The following DNAH5 variants were observed in gnomAD, a reference collection of about 807,000 sequenced individuals.
DNAH5 encodes dynein axonemal heavy chain 5.
DNAH5 carries 372 observed loss-of-function variants against 518.2 expected under a neutral mutation model. That is an observed-to-expected ratio of 0.72 (90% CI 0.66 to 0.78). DNAH5 has a LOEUF of 0.78. Among genes scored for constraint, DNAH5 ranks in the 30% least tolerant of loss-of-function variants. The pLI, the probability that DNAH5 is intolerant of heterozygous loss-of-function variation, is 0.00. For synonymous variants in DNAH5, 2,039 were observed against 2,025.9 expected, an observed-to-expected ratio of 1.01 and a Z score of -0.17; for missense variants, 5,523 against 5,687.0, an observed-to-expected ratio of 0.97 and a Z score of 0.93.
chr5:13,811,767 G>A lies in DNAH5; in HGVS notation c.7287C>T (p.Thr2429=), dbSNP rs762808221. 7 of 1,613,966 alleles carry A rather than the reference G, an allele frequency of 4.3e-6. No individual in the cohort carries two copies. The highest frequency in any genetic ancestry group is 4.0e-5 in the African/African-American group (3 of 74,896). Residue 2429 remains threonine (T), a synonymous_variant, in exon 44 of 79, where the codon ACC becomes ACT. Coordinates refer to ENST00000265104, the MANE Select transcript of DNAH5 (RefSeq NM_001369.3). ...QEAEILRQLY[T]ESFPDLYRFC... is the part of the protein sequence containing the mutation. Reference sequence around the variant, plus strand: ...AGCGATACAAGTCTGGGAAAGACTCGGTGTACAGCTGACGAAGAATTTCTG... The same window carrying A: ...AGCGATACAAGTCTGGGAAAGACTCAGTGTACAGCTGACGAAGAATTTCTG...
At position 13,844,818 on chromosome 5, in the gene DNAH5, C is replaced by A. The variant is rs1417638000; in HGVS notation, c.5271+19G>T. ...CGAAGGTACGGTGATTGTTGGCCTGCCATTAGAATTAGGCGAACCTTTTCG... is the reference window on the plus strand; with the variant it reads ...CGAAGGTACGGTGATTGTTGGCCTGACATTAGAATTAGGCGAACCTTTTCG... On this transcript the variant is annotated intron_variant, in intron 32 of 78. Coordinates refer to ENST00000265104, the MANE Select transcript of DNAH5 (RefSeq NM_001369.3). 6.2e-7 allele frequency: 1 copy of A among 1,614,012 alleles called. No individual in the cohort carries two copies. Among genetic ancestry groups the A allele is most frequent in the Non-Finnish European group, 8.5e-7 (1 of 1,179,994 alleles).
At chr5:13,837,077 A>C (rs1178544963) in intron 35 of DNAH5, among the ~76,000 whole-genome samples, 1 of 152,214 alleles carries the variant, frequency 6.6e-6, no homozygotes, top group Non-Finnish European at 1.5e-5. Context: ...CGGGAAACAG[A>C]ACTCAGTCTC....
chr5:13,771,279 G>C (rs1299631586), intron 55 of DNAH5: 1 of 400,294 alleles, frequency 2.5e-6, no homozygotes, highest in Non-Finnish European at 4.7e-6. Context: ...CAGCCAACCT[G>C]TTTTATGGTT....
chr5:13,883,476 G>A (rs1771952856), intron 19 of DNAH5, among the ~76,000 whole-genome samples: 1 of 152,148 alleles, frequency 6.6e-6, no homozygotes, highest in Non-Finnish European at 1.5e-5. Flanking sequence ...ATCGGCATAA[G>A]CCAAAGTTAG....
At chr5:13,970,650 A>G (rs1190136245) in intron 1 of DNAH5, among the ~76,000 whole-genome samples, 1 of 152,224 alleles carries the variant, frequency 6.6e-6, no homozygotes, top group Non-Finnish European at 1.5e-5. Context: ...CTGCTGAGAA[A>G]TCTGCTGCTA....
At chr5:13,856,318 C>T (rs187779650) in intron 30 of DNAH5, among the ~76,000 whole-genome samples, 95 of 152,208 alleles carry the variant, frequency 6.2e-4, no homozygotes, top group African/African-American at 1.9e-3. Flanking sequence ...AAGGGGATAT[C>T]GCCACTGATC....
intron 1 of DNAH5, among the ~76,000 whole-genome samples, chr5:13,994,916 T>A (rs1282814542): frequency 6.6e-6 from 1 of 152,184 alleles, no homozygotes; most frequent in Non-Finnish European, 1.5e-5. Flanking sequence ...TCCAGCAGCA[T>A]TCATCCATCA....
intron 72 of DNAH5, 139 bp from the exon 73 acceptor site, chr5:13,717,659 C>A: frequency 1.3e-6 from 1 of 797,518 alleles, no homozygotes; most frequent in Non-Finnish European, 2.1e-6. Flanking sequence ...ACTCATGTGA[C>A]AATAATAATT....
intron 10 of DNAH5, among the ~76,000 whole-genome samples, chr5:13,914,171 A>G (rs1287279795): frequency 6.6e-6 from 1 of 152,036 alleles, no homozygotes; most frequent in Non-Finnish European, 1.5e-5. Flanking sequence ...TCACGATGCA[A>G]CTCAAAGGTG....
At chr5:13,857,498 A>G (rs1261223327) in intron 30 of DNAH5, among the ~76,000 whole-genome samples, 7 of 152,220 alleles carry the variant, frequency 4.6e-5, no homozygotes, top group African/African-American at 1.7e-4. Flanking sequence ...TCTTCAAAGA[A>G]TTAGAAAAAA....
intron 22 of DNAH5, 146 bp from the exon 23 acceptor site, chr5:13,871,911 C>A (rs1309040192): frequency 1.3e-6 from 1 of 760,494 alleles, no homozygotes; most frequent in South Asian, 1.7e-5. Flanking sequence ...TGCCAAAGAA[C>A]TGGGACTATA....
chr5:13,922,601 C>A (rs575121308), intron 4 of DNAH5, among the ~76,000 whole-genome samples: 1 of 151,822 alleles, frequency 6.6e-6, no homozygotes, highest in African/African-American at 2.4e-5. Flanking sequence ...GTGGCAGGCA[C>A]CTGTAATCCC....
chr5:13,727,678 A>C (rs770758340), intron 69 of DNAH5, 22 bp from the exon 70 acceptor site: 6 of 1,613,620 alleles, frequency 3.7e-6, no homozygotes, highest in South Asian at 1.1e-5. Context: ...ATGGGATAAA[A>C]ACTGTGTCAT....
At chr5:13,750,128 G>A (rs11745096) in intron 65 of DNAH5, among the ~76,000 whole-genome samples, 31,213 of 151,994 alleles carry the variant, frequency 0.21, 3,351 homozygotes, top group Admixed American at 0.27. Flanking sequence ...GGGCTCAGAC[G>A]GGCAAGCACC....
chr5:13,999,338 C>G (rs971271435), intron 1 of DNAH5, among the ~76,000 whole-genome samples: 8 of 152,290 alleles, frequency 5.3e-5, no homozygotes, highest in South Asian at 2.1e-4. Flanking sequence ...AACTGCATGC[C>G]TCTTAATTAA....
intron 60 of DNAH5, among the ~76,000 whole-genome samples, chr5:13,761,006 G>C (rs537102025): frequency 3.9e-5 from 6 of 152,314 alleles, no homozygotes; most frequent in Non-Finnish European, 5.9e-5. Context: ...CTAGATACTT[G>C]TAAGAATATA....
At chr5:13,871,030 A>G in intron 23 of DNAH5, 28 bp from the exon 24 acceptor site, 12 of 1,573,674 alleles carry the variant, frequency 7.6e-6, no homozygotes, top group Non-Finnish European at 7.8e-6. Context: ...TCTACAGTTC[A>G]GTTTTAAAAA....
In DNAH5 at chr5:13,756,788, A is replaced by AT. The variant is rs557571460; in HGVS notation, c.10419+2057dup. ...TGTGTCATGGGGGTTTGTTGTGAAG[A>AT]TTTTTTCATCACCCAGGTATTAAGC... On this transcript the variant is annotated intron_variant, in intron 61 of 78. Coordinates refer to ENST00000265104, the MANE Select transcript of DNAH5 (RefSeq NM_001369.3). 1.1e-4 allele frequency among the ~76,000 whole-genome samples: 17 copies of AT among 152,072 alleles called. No individual in the cohort carries two copies. In the East Asian group the frequency reaches 2.9e-3, roughly 26 times the overall value.
intron 70 of DNAH5, among the ~76,000 whole-genome samples, chr5:13,721,648 AAATAGAT>A (rs1745074539): frequency 6.6e-6 from 1 of 152,252 alleles, no homozygotes. Context: ...GGTACTGATT[AAATAGAT>A]AATTATTGAG....
Sources: gnomAD v4.1 joint callset for allele counts (sites outside exome capture counted in the v4.1 genomes callset) on GRCh38, gnomAD v4.1.1 for gene constraint, MANE v1.5 for transcripts, NCBI Gene and HGNC (gene_info 2026-07-23, HGNC 2026-07-21) for gene names.